CNTROB: variants seen among roughly 807,000 people sequenced by gnomAD.
CNTROB encodes the protein centrobin.
In CNTROB, 82 loss-of-function variants were observed where a neutral mutation model predicts 115.7. The ratio of observed to expected loss-of-function variants is 0.71; its 90% CI spans 0.59 to 0.85. CNTROB has a LOEUF of 0.85. Ranked by LOEUF, CNTROB falls within the 40% of genes least tolerant of loss-of-function variation. The pLI is 0.00. For synonymous variants in CNTROB, 439 were observed against 456.4 expected, an observed-to-expected ratio of 0.96 and a Z score of 0.49; for missense variants, 1,014 against 1,144.4, an observed-to-expected ratio of 0.89 and a Z score of 1.64.
Position 7,947,571 on chromosome 17 carries a change from CTGGGGCCTTCTCTGCACT to C in CNTROB, c.2005_2022del (p.Ser669_Phe674del), listed in dbSNP as rs1219123370. 3.7e-6 allele frequency: 6 copies of C among 1,600,982 alleles called. No individual in the cohort carries two copies. Among genetic ancestry groups the C allele is most frequent in the Non-Finnish European group, 4.3e-6 (5 of 1,170,998 alleles). On this transcript the variant is annotated inframe_deletion and splice_region_variant, in exon 14 of 19. Coordinates refer to ENST00000563694, the MANE Select transcript of CNTROB (RefSeq NM_053051.5). The stretch of plus-strand genomic sequence containing the variant: ...CACCCATACCTGTTTCACTTTATAG[CTGGGGCCTTCTCTGCACT>C]TGGGGCCTTCCATCCCGATCATAGG...
In CNTROB at chr17:7,949,641, GAA is replaced by G. The variant is rs779149847; in HGVS notation, c.*133_*134del. 2.5e-4 allele frequency: 218 copies of G among 886,410 alleles called. No homozygotes were observed. Among genetic ancestry groups the G allele is most frequent in the Non-Finnish European group, 3.2e-4 (197 of 623,812 alleles). 54.9% of individuals were successfully genotyped at this position (886,410 alleles called of 1,614,324 possible). On this transcript the variant is annotated 3_prime_UTR_variant, in exon 19 of 19. Transcript: ENST00000563694. ...GTTTTGTAGGGAATCACTTCGTAAA[GAA>G]ACCACATTTGGTTGAGTACTTTTTT...
At chr17:7,947,464 C>T in intron 13 of CNTROB, 107 bp from the exon 14 acceptor site, 1 of 1,087,608 alleles carries the variant, frequency 9.2e-7, no homozygotes, top group African/African-American at 1.6e-5. Flanking sequence ...TGTTCCTCTT[C>T]CATTTAATAG....
rs376598201 is a variant in CNTROB, at chr17:7,935,068, C to T, written c.517C>T (p.Arg173Trp). 1.7e-5 allele frequency: 27 copies of T among 1,614,176 alleles called. No individual in the cohort carries two copies. In the East Asian group the frequency reaches 2.5e-4, roughly 15 times the overall value. ...EELFPRYTSL[R>W]PGPPLNPPDF... The stretch of plus-strand genomic sequence containing the variant: ...GCTGTTTCCCCGCTACACCAGCCTT[C>T]GGCCAGGGCCTCCACTCAATCCCCC... Residue 173 changes from arginine (R) to tryptophan (W), a missense_variant, in exon 4 of 19, where the codon CGG becomes TGG. By Grantham distance (101) the Arg-to-Trp change is moderately radical. Transcript: ENST00000563694.
At chr17:7,942,787 A>ATTTTTT (rs71159534) in intron 9 of CNTROB, among the ~76,000 whole-genome samples, 29 of 35,794 alleles carry the variant, frequency 8.1e-4, no homozygotes, top group Non-Finnish European at 9.0e-4. Flanking sequence ...TACTCAGGGT[A>ATTTTTT]TTTTTTTTTT....
Position 7,949,083 on chromosome 17 carries a change from A to G in CNTROB, c.2514-2A>G. The G allele has an allele frequency of 6.2e-7, 1 of 1,614,082 alleles. No homozygotes were observed. The highest frequency in any genetic ancestry group is 2.2e-5 in the East Asian group (1 of 44,864). ...TCCTCATACCTTTGATTTGTGTAGCAGGACTGATGGCCGAGGGGATAATGT... is the reference window on the plus strand; with the variant it reads ...TCCTCATACCTTTGATTTGTGTAGCGGGACTGATGGCCGAGGGGATAATGT... On this transcript the variant is annotated splice_acceptor_variant, in intron 17 of 18. Transcript: ENST00000563694. LOFTEE classifies it high-confidence loss of function.
In CNTROB at chr17:7,949,492, G is replaced by C; in HGVS notation, c.2694G>C (p.Arg898=). ...CTGCCCCGAGTAGCATGAGGAGCCG[G>C]GGGGGAGTCTGGAGATGAGCCCCCC... ...GHPAPSSMRS[R]GGVWR The change falls in exon 19 of 19, where the codon CGG becomes CGC. Residue 898 remains arginine, a synonymous_variant. Coordinates refer to ENST00000563694, the MANE Select transcript of CNTROB (RefSeq NM_053051.5). 6.2e-7 allele frequency: 1 copy of C among 1,613,590 alleles called. No individual in the cohort carries two copies. The highest frequency in any genetic ancestry group is 8.5e-7 in the Non-Finnish European group (1 of 1,179,770).
intron 4 of CNTROB, chr17:7,936,038 G>A (rs1006297267): frequency 2.3e-5 from 6 of 259,556 alleles, no homozygotes; most frequent in Non-Finnish European, 4.5e-5. Context: ...AGCTTCTGAA[G>A]GTAGGAGTAA....
chr17:7,937,323 G>A, intron 7 of CNTROB, 61 bp downstream of exon 7: 1 of 1,595,812 alleles, frequency 6.3e-7, no homozygotes, highest in South Asian at 1.1e-5. Context: ...AGAGAGCTGT[G>A]GGCTATTGGT....
rs1338890687 is a variant in CNTROB, at chr17:7,948,486, G to A, written c.2381-1G>A. 5.0e-6 allele frequency: 8 copies of A among 1,613,972 alleles called. No homozygotes were observed. The highest frequency in any genetic ancestry group is 1.3e-5 in the African/African-American group (1 of 74,904). On this transcript the variant is annotated splice_acceptor_variant, in intron 16 of 18. Coordinates refer to ENST00000563694, the MANE Select transcript of CNTROB (RefSeq NM_053051.5). LOFTEE classifies it high-confidence loss of function. The surrounding 1 kb of genome is among the most constrained non-coding windows in gnomAD (Gnocchi z 4.4). The stretch of plus-strand genomic sequence containing the variant: ...CCTGTGATTATTGCGATGTCTGTCA[G>A]GTGGAGATGGGCTTACATTCCCAAG...
intron 2 of CNTROB, 51 bp downstream of exon 2, chr17:7,934,273 G>T: frequency 6.6e-7 from 1 of 1,525,350 alleles, no homozygotes; most frequent in East Asian, 2.2e-5. Flanking sequence ...GATGTAAGGG[G>T]TGGGAGAAAG....
At chr17:7,940,316 T>G (rs529323836) in intron 9 of CNTROB, 74 bp downstream of exon 9, 1 of 1,370,064 alleles carries the variant, frequency 7.3e-7, no homozygotes, top group Non-Finnish European at 9.8e-7. Flanking sequence ...TCTCAGGAGT[T>G]GTGGCAGACA....
chr17:7,947,682 C>T lies in CNTROB; in HGVS notation c.2105C>T (p.Pro702Leu), dbSNP rs149566923. 1.5e-4 allele frequency: 245 copies of T among 1,613,638 alleles called. No individual in the cohort carries two copies. The African/African-American group carries it at 2.1e-3, about 14-fold the overall frequency. Residue 702 changes from proline to leucine, a missense_variant, in exon 14 of 19, where the codon CCG becomes CTG. Coordinates refer to ENST00000563694, the MANE Select transcript of CNTROB (RefSeq NM_053051.5). The stretch of plus-strand genomic sequence containing the variant: ...GAGGGCCTCCTAAAGCAAGGGCTGC[C>T]GCCTGCTCAGCTGGAGGGCCTCAAG... ...DGEGLLKQGL[P>L]PAQLEGLKNF...
At chr17:7,936,646 G>A (rs974206540) in intron 5 of CNTROB, 55 bp from the exon 6 acceptor site, 29 of 860,766 alleles carry the variant, frequency 3.4e-5, no homozygotes, top group African/African-American at 1.8e-4. Flanking sequence ...GCCCCTGTGG[G>A]TAGAAAGAGG....
intron 9 of CNTROB, among the ~76,000 whole-genome samples, 163 bp downstream of exon 9, chr17:7,940,405 A>G (rs569120684): frequency 6.6e-6 from 1 of 152,304 alleles, no homozygotes; most frequent in Non-Finnish European, 1.5e-5. Context: ...CTAAACTCAG[A>G]GCTATTTCTT....
In CNTROB at chr17:7,948,700, G is replaced by C. The variant is rs371893806; in HGVS notation, c.2513+81G>C. On this transcript the variant is annotated intron_variant, in intron 17 of 18. Coordinates refer to ENST00000563694, the MANE Select transcript of CNTROB (RefSeq NM_053051.5). This position sits in a 1 kb window ranked among gnomAD's most constrained non-coding sequence, Gnocchi z 4.4. Reference sequence around the variant, plus strand: ...GAGTGGAGTGGGTGTGTTTTACACTGAATTGAATCGTTGTCCTTTTCTGGG... The same window carrying C: ...GAGTGGAGTGGGTGTGTTTTACACTCAATTGAATCGTTGTCCTTTTCTGGG... 6.2e-7 allele frequency: 1 copy of C among 1,613,234 alleles called. No individual in the cohort carries two copies. Among genetic ancestry groups the C allele is most frequent in the African/African-American group, 1.3e-5 (1 of 74,876 alleles).
At chr17:7,937,298 C>T in intron 7 of CNTROB, 36 bp downstream of exon 7, 1 of 1,611,044 alleles carries the variant, frequency 6.2e-7, no homozygotes, top group African/African-American at 1.3e-5. Context: ...CCACTGGAAG[C>T]TGTTAATTAC....
At position 7,937,208 on chromosome 17, in the gene CNTROB, C is replaced by T; in HGVS notation, c.873C>T (p.Ala291=). The T allele has an allele frequency of 6.2e-7, 1 of 1,614,120 alleles. No homozygotes were observed. The highest frequency in any genetic ancestry group is 1.1e-5 in the South Asian group (1 of 91,078). Residue 291 remains alanine, a synonymous_variant, in exon 7 of 19, where the codon GCC becomes GCT. Transcript: ENST00000563694. ...AAAGCCTTTCTGAGGCCATGGAGGC[C>T]CTGAATCGTGAGCAGGAAAGTGCCA... The part of the protein sequence containing the change: ...LEQSLSEAME[A]LNREQESARL...
rs143067938 is a variant in CNTROB, at chr17:7,939,553, A to C, written c.968A>C (p.Glu323Ala). 6 of 1,614,050 alleles carry C rather than the reference A, an allele frequency of 3.7e-6. No individual in the cohort carries two copies. In the African/African-American group the frequency reaches 8.0e-5, roughly 22 times the overall value. The change falls in exon 8 of 19, where the codon GAA becomes GCA. Residue 323 changes from glutamate to alanine, a missense_variant. Physicochemically the swap from Glu to Ala is moderately radical, Grantham distance 107. Coordinates refer to ENST00000563694, the MANE Select transcript of CNTROB (RefSeq NM_053051.5). This position sits in a 1 kb window ranked among gnomAD's most constrained non-coding sequence, Gnocchi z 4.4. ...RQALTLRLEA[E>A]QQRCCVLQEE... ...GCTCTGACTCTGAGGTTGGAGGCAG[A>C]ACAGCAGCGGTGCTGTGTCCTGCAG...
At chr17:7,935,337 C>G (rs577597566) in intron 4 of CNTROB, among the ~76,000 whole-genome samples, 192 bp downstream of exon 4, 1 of 152,146 alleles carries the variant, frequency 6.6e-6, no homozygotes, top group African/African-American at 2.4e-5. Context: ...CCCGTCTCTA[C>G]TAAAAATAGA....
Sources: gnomAD v4.1 joint callset for allele counts (sites outside exome capture counted in the v4.1 genomes callset) on GRCh38, gnomAD v4.1.1 for gene constraint, Gnocchi (gnomAD v3.1) non-coding constraint, MANE v1.5 for transcripts, NCBI Gene and HGNC (gene_info 2026-07-23, HGNC 2026-07-21) for gene names.